IL1RAPL1: variants seen among roughly 807,000 people sequenced by gnomAD.
IL1RAPL1 encodes interleukin-1 receptor accessory protein-like 1.
Under a neutral mutation model 48.4 loss-of-function variants are expected in IL1RAPL1, and 3 were observed. That is an observed-to-expected ratio of 0.06 (90% confidence interval 0.03 to 0.16). The LOEUF (loss-of-function observed/expected upper bound fraction) is 0.16. Among genes scored for constraint, IL1RAPL1 ranks in the 10% least tolerant of loss-of-function variants. The probability of loss-of-function intolerance (pLI) is 1.00; values close to 1 mark genes in which losing one functional copy is unlikely to be tolerated. For missense variants in IL1RAPL1, 349 were observed against 530.6 expected (o/e 0.66, Z 3.36); for synonymous variants, 185 against 187.7 (o/e 0.99, Z 0.12).
intron 5 of IL1RAPL1, among the ~76,000 whole-genome samples, chrX:29,577,381 T>G (rs1040933573): frequency 9.0e-6 from 1 of 111,642 alleles, no homozygotes; most frequent in African/African-American, 3.3e-5. Flanking sequence ...GCCTGTTAAT[T>G]CCACTCCTCA....
chrX:28,753,364 A>G (rs1936066103), intron 1 of IL1RAPL1, among the ~76,000 whole-genome samples: 1 of 112,345 alleles, frequency 8.9e-6, no homozygotes, highest in Admixed American at 9.4e-5. Flanking sequence ...ATGGGAAAAT[A>G]TCATCATACT....
chrX:28,729,892 A>C (rs1205439367), intron 1 of IL1RAPL1, among the ~76,000 whole-genome samples: 1 of 111,076 alleles, frequency 9.0e-6, no homozygotes, highest in African/African-American at 3.3e-5. Flanking sequence ...GCTACTCTGG[A>C]GGCTGAGGCA....
At chrX:29,896,704 C>T (rs896095488) in intron 6 of IL1RAPL1, among the ~76,000 whole-genome samples, 7 of 111,856 alleles carry the variant, frequency 6.3e-5, no homozygotes, top group South Asian at 3.7e-4. Context: ...CCTCTGACCA[C>T]GGCAGTAAGA....
chrX:29,692,483 T>A (rs1339110737), intron 6 of IL1RAPL1, among the ~76,000 whole-genome samples: 1 of 111,920 alleles, frequency 8.9e-6, no homozygotes, highest in African/African-American at 3.2e-5. Context: ...TTTGGGACCT[T>A]TCCTACACTT....
chrX:29,728,000 C>T (rs890044171), intron 6 of IL1RAPL1, among the ~76,000 whole-genome samples: 1 of 110,818 alleles, frequency 9.0e-6, no homozygotes, highest in East Asian at 2.9e-4. Flanking sequence ...TGCAGTGGCG[C>T]GATCTCGGCT....
chrX:29,829,328 G>C (rs1930819000), intron 6 of IL1RAPL1, among the ~76,000 whole-genome samples: 1 of 110,634 alleles, frequency 9.0e-6, no homozygotes, highest in African/African-American at 3.3e-5. Flanking sequence ...AGCAATATTA[G>C]TAAAATTATT....
At chrX:29,905,813 T>TA (rs1371417423) in intron 6 of IL1RAPL1, among the ~76,000 whole-genome samples, 5 of 111,415 alleles carry the variant, frequency 4.5e-5, no homozygotes, top group African/African-American at 1.6e-4. Context: ...GATGGAAGAA[T>TA]GAATACATGT....
At chrX:28,882,711 C>G (rs994894790) in intron 2 of IL1RAPL1, among the ~76,000 whole-genome samples, 21 of 112,031 alleles carry the variant, frequency 1.9e-4, no homozygotes, top group Middle Eastern at 4.6e-3. Context: ...TGCAGGAATT[C>G]ATCACCAGTA....
At chrX:29,781,761 T>C (rs764333939) in intron 6 of IL1RAPL1, among the ~76,000 whole-genome samples, 1 of 111,761 alleles carries the variant, frequency 8.9e-6, no homozygotes, top group East Asian at 2.8e-4. Context: ...TCTGTGTCAA[T>C]TGGCTACCCA....
At chrX:29,951,243 C>G (rs1271026531) in intron 9 of IL1RAPL1, among the ~76,000 whole-genome samples, 5 of 112,048 alleles carry the variant, frequency 4.5e-5, no homozygotes, top group Non-Finnish European at 9.4e-5. Context: ...TGAGCATCTA[C>G]TAAGCCCCAG....
At chrX:29,599,652 A>G (rs1923656219) in intron 5 of IL1RAPL1, among the ~76,000 whole-genome samples, 1 of 112,480 alleles carries the variant, frequency 8.9e-6, no homozygotes, top group South Asian at 3.6e-4. Context: ...AAGAACACCA[A>G]TTATTCTTAT....
At chrX:29,397,738 C>T in intron 4 of IL1RAPL1, among the ~76,000 whole-genome samples, 1 of 111,554 alleles carries the variant, frequency 9.0e-6, no homozygotes, top group Non-Finnish European at 1.9e-5. Context: ...GGGAATTTGA[C>T]CCAAAGTCTC....
intron 3 of IL1RAPL1, among the ~76,000 whole-genome samples, chrX:29,343,011 A>G (rs762401561): frequency 8.9e-5 from 10 of 112,249 alleles, no homozygotes; most frequent in African/African-American, 3.2e-4. Context: ...GTTCAGCCTC[A>G]TTACTTCTGG....
intron 1 of IL1RAPL1, among the ~76,000 whole-genome samples, chrX:28,615,215 T>G (rs112784579): frequency 1.3e-4 from 11 of 82,818 alleles, no homozygotes; most frequent in African/African-American, 1.8e-4. Context: ...TTTTTTTTTT[T>G]TTTTTTTTTT....
Position 29,773,672 on chromosome X carries a change from C to G in IL1RAPL1, c.778+105168C>G, listed in dbSNP as rs941778116. On this transcript the variant is annotated intron_variant, in intron 6 of 10. Transcript: ENST00000378993. ...ATAACAACGCAGACTTGACTTCTGT[C>G]TGAGCTAATCTTCAGAAAGGGCACA... is the stretch of plus-strand genomic sequence containing the variant. Among the ~76,000 whole-genome samples the G allele has an allele frequency of 4.5e-5, 5 of 111,367 alleles. No homozygotes were observed. The East Asian group carries it at 1.1e-3, about 25-fold the overall frequency.
intron 1 of IL1RAPL1, among the ~76,000 whole-genome samples, chrX:28,769,391 C>G (rs997473174): frequency 6.3e-5 from 7 of 110,405 alleles, no homozygotes; most frequent in African/African-American, 2.3e-4. Context: ...AGCCAGTGTT[C>G]AAGAGGAAGG....
chrX:28,945,392 C>T (rs1459816946), intron 2 of IL1RAPL1, among the ~76,000 whole-genome samples: 1 of 111,386 alleles, frequency 9.0e-6, no homozygotes, highest in Non-Finnish European at 1.9e-5. Flanking sequence ...AAATGCGGTA[C>T]ATATACACCA....
intron 5 of IL1RAPL1, among the ~76,000 whole-genome samples, chrX:29,525,426 G>T (rs1046270939): frequency 8.9e-6 from 1 of 112,171 alleles, no homozygotes; most frequent in African/African-American, 3.2e-5. Context: ...GCACTAGAAG[G>T]GGGGCTTTCA....
intron 6 of IL1RAPL1, among the ~76,000 whole-genome samples, chrX:29,885,471 T>A (rs1271967439): frequency 9.0e-6 from 1 of 111,411 alleles, no homozygotes; most frequent in Admixed American, 9.6e-5. Context: ...CTGAGAGTAG[T>A]GCCTGGCACA....
Sources: gnomAD v4.1 joint callset for allele counts (sites outside exome capture counted in the v4.1 genomes callset) on GRCh38, gnomAD v4.1.1 for gene constraint, MANE v1.5 for transcripts, NCBI Gene and HGNC (gene_info 2026-07-23, HGNC 2026-07-21) for gene names.